The following LRRC4C variants were observed in gnomAD, a reference collection of about 807,000 sequenced individuals.
The protein encoded by LRRC4C is leucine rich repeat containing 4C.
In LRRC4C, 5 loss-of-function variants were observed where a neutral mutation model predicts 33.6. That is an observed-to-expected ratio of 0.15 (90% CI 0.08 to 0.31). LRRC4C has a LOEUF of 0.31. LRRC4C is among the 10% of genes least tolerant of loss of function. The pLI, the probability that LRRC4C is intolerant of heterozygous loss-of-function variation, is 1.00. For synonymous variants in LRRC4C, 329 were observed against 302.0 expected (o/e 1.09, Z -0.93); for missense variants, 560 against 796.7 (o/e 0.70, Z 3.58).
At chr11:40,748,857 T>C (rs181118631) in intron 2 of LRRC4C, among the ~76,000 whole-genome samples, 6 of 152,132 alleles carry the variant, frequency 3.9e-5, no homozygotes, top group Admixed American at 3.9e-4. Flanking sequence ...AACCAGACAT[T>C]AAGTAAAAAA....
At chr11:40,448,048 C>T (rs538571028) in intron 3 of LRRC4C, among the ~76,000 whole-genome samples, 7 of 152,130 alleles carry the variant, frequency 4.6e-5, no homozygotes, top group Admixed American at 1.3e-4. Context: ...AACTCCTGAC[C>T]GCCTACCTCA....
intron 1 of LRRC4C, chr11:41,222,780 T>C (rs1235183758): frequency 7.4e-6 from 1 of 135,682 alleles, no homozygotes; most frequent in Non-Finnish European, 1.5e-5. Context: ...ACAACTGGTA[T>C]GGAGAAAGTG....
At chr11:40,904,285 G>A (rs1457578877) in intron 2 of LRRC4C, among the ~76,000 whole-genome samples, 2 of 152,104 alleles carry the variant, frequency 1.3e-5, no homozygotes, top group African/African-American at 2.4e-5. Context: ...AGAAGTCGTA[G>A]GTCACACATA....
At chr11:40,262,529 C>T (rs1941930835) in intron 4 of LRRC4C, among the ~76,000 whole-genome samples, 1 of 152,082 alleles carries the variant, frequency 6.6e-6, no homozygotes, top group Non-Finnish European at 1.5e-5. Flanking sequence ...AGCCACGTGC[C>T]CACGTATGTT....
chr11:41,202,836 A>C lies in LRRC4C; in HGVS notation c.-496+256595T>G, dbSNP rs184181651. On this transcript the variant is annotated intron_variant, in intron 1 of 6. Coordinates refer to ENST00000528697, the MANE Select transcript of LRRC4C (RefSeq NM_001258419.2). ...AGTCTCGCTCTTTCACCCAGGCTAG[A>C]GTGCAGTGGCATGATCTCAGCTCTC... is the stretch of plus-strand genomic sequence containing the variant. Among the ~76,000 whole-genome samples, 3 of 151,492 alleles carry C rather than the reference A, an allele frequency of 2.0e-5. 1 individual carries two copies. The East Asian group carries it at 5.9e-4, about 30-fold the overall frequency.
chr11:40,735,777 A>T (rs912832695), intron 2 of LRRC4C, among the ~76,000 whole-genome samples: 1 of 149,764 alleles, frequency 6.7e-6, no homozygotes, highest in South Asian at 2.1e-4. Flanking sequence ...TCCCACCAAC[A>T]GCGTAAAAGT....
intron 3 of LRRC4C, among the ~76,000 whole-genome samples, chr11:40,452,808 T>G (rs1951949340): frequency 2.0e-5 from 3 of 152,008 alleles, no homozygotes; most frequent in Admixed American, 1.3e-4. Flanking sequence ...TAGACTGGAT[T>G]AAGAAAATGT....
At chr11:40,991,853 T>G (rs1853592068) in intron 1 of LRRC4C, among the ~76,000 whole-genome samples, 1 of 152,130 alleles carries the variant, frequency 6.6e-6, no homozygotes, top group African/African-American at 2.4e-5. Flanking sequence ...CTGATGAAGC[T>G]TTGCTCTGCT....
Position 40,740,078 on chromosome 11 carries a change from G to C in LRRC4C, c.-406-91800C>G, listed in dbSNP as rs74423341. 4.8e-3 allele frequency among the ~76,000 whole-genome samples: 735 copies of C among 151,704 alleles called. 8 individuals are homozygous for C. The highest frequency in any genetic ancestry group is 0.017 in the African/African-American group (685 of 41,378). ...TCCATTTAACTGTTGCTGAACACTT[G>C]GGTTGATTCCATATCTTGGCTATTG... On this transcript the variant is annotated intron_variant, in intron 2 of 6. Transcript: ENST00000528697.
At chr11:40,499,434 A>G (rs1273091009) in intron 3 of LRRC4C, among the ~76,000 whole-genome samples, 1 of 152,182 alleles carries the variant, frequency 6.6e-6, no homozygotes, top group Non-Finnish European at 1.5e-5. Flanking sequence ...TTGGGTAAAA[A>G]TGGCCATGTA....
chr11:40,916,659 G>T (rs11036151), intron 2 of LRRC4C, among the ~76,000 whole-genome samples: 8,698 of 151,390 alleles, frequency 0.057, 804 homozygotes, highest in African/African-American at 0.19. Flanking sequence ...TAACAAACCT[G>T]CACGTTGTGC....
chr11:40,528,699 C>T (rs1187408053), intron 3 of LRRC4C, among the ~76,000 whole-genome samples: 1 of 152,130 alleles, frequency 6.6e-6, no homozygotes, highest in African/African-American at 2.4e-5. Context: ...CCCAACTTCA[C>T]TGCAGAACTA....
intron 3 of LRRC4C, among the ~76,000 whole-genome samples, chr11:40,460,788 G>A (rs1952356586): frequency 6.6e-6 from 1 of 152,096 alleles, no homozygotes; most frequent in Non-Finnish European, 1.5e-5. Context: ...AAAACACCAT[G>A]AGGCATATAT....
intron 3 of LRRC4C, among the ~76,000 whole-genome samples, chr11:40,394,367 A>C (rs1949455939): frequency 6.6e-6 from 1 of 152,160 alleles, no homozygotes; most frequent in African/African-American, 2.4e-5. Flanking sequence ...GCTAAGAATT[A>C]TCTTCAAGGG....
intron 1 of LRRC4C, among the ~76,000 whole-genome samples, chr11:41,101,603 G>C (rs763822949): frequency 3.3e-5 from 5 of 152,060 alleles, no homozygotes; most frequent in African/African-American, 1.2e-4. Flanking sequence ...TCCTCAAAGA[G>C]GTAAAAACAG....
chr11:41,281,596 C>G (rs1949679679), intron 1 of LRRC4C, among the ~76,000 whole-genome samples: 1 of 152,210 alleles, frequency 6.6e-6, no homozygotes, highest in South Asian at 2.1e-4. Flanking sequence ...GTTCTCCAAC[C>G]TGCTACACAT....
chr11:40,779,952 G>C (rs1214045185), intron 2 of LRRC4C, among the ~76,000 whole-genome samples: 1 of 152,122 alleles, frequency 6.6e-6, no homozygotes, highest in Non-Finnish European at 1.5e-5. Flanking sequence ...ACATCAATGT[G>C]ATGTAATGGA....
intron 1 of LRRC4C, among the ~76,000 whole-genome samples, chr11:41,078,628 GA>G (rs1644740427): frequency 6.6e-6 from 1 of 152,072 alleles, no homozygotes; most frequent in Non-Finnish European, 1.5e-5. Flanking sequence ...CACTCATTAA[GA>G]GAACAAGCAA....
chr11:40,908,793 C>A (rs1170267394), intron 2 of LRRC4C, among the ~76,000 whole-genome samples: 1 of 152,050 alleles, frequency 6.6e-6, no homozygotes. Flanking sequence ...TTTGCATAAA[C>A]CTAGATTTTA....
Sources: gnomAD v4.1 joint callset for allele counts (sites outside exome capture counted in the v4.1 genomes callset) on GRCh38, gnomAD v4.1.1 for gene constraint, MANE v1.5 for transcripts, NCBI Gene and HGNC (gene_info 2026-07-23, HGNC 2026-07-21) for gene names.